The following EPHA2 variants were observed in gnomAD, a reference collection of about 807,000 sequenced individuals.
EPHA2 encodes the protein EPH receptor A2.
In EPHA2, 54 loss-of-function variants were observed where a neutral mutation model predicts 104.9. That is an observed-to-expected ratio of 0.51 (90% confidence interval 0.41 to 0.65). The LOEUF (loss-of-function observed/expected upper bound fraction) is 0.65, where lower values mean the gene tolerates loss of function less well. Among genes scored for constraint, EPHA2 ranks in the 30% least tolerant of loss-of-function variants. The pLI is 0.00. For missense variants in EPHA2, 1,117 were observed against 1,369.5 expected (o/e 0.82, Z 2.91); for synonymous variants, 560 against 559.1 (o/e 1.00, Z -0.02).
Position 16,132,518 on chromosome 1 carries a change from G to T in EPHA2, c.2054-79C>A, listed in dbSNP as rs1319496541. The stretch of plus-strand genomic sequence containing the variant: ...GGTGGGCACAGATATGGGGGAAGGT[G>T]GGCACAGGTGTAGGAGAGGTGGGCA... On this transcript the variant is annotated intron_variant, in intron 11 of 16. Transcript: ENST00000358432. The T allele has an allele frequency of 3.3e-6, 5 of 1,530,832 alleles. No individual in the cohort carries two copies. The East Asian group carries it at 9.0e-5, about 28-fold the overall frequency. 94.8% of individuals were successfully genotyped at this position (1,530,832 alleles called of 1,614,324 possible).
chr1:16,154,421 GA>G, intron 1 of EPHA2, among the ~76,000 whole-genome samples: 1 of 152,122 alleles, frequency 6.6e-6, no homozygotes, highest in African/African-American at 2.4e-5. Flanking sequence ...TCCCAACACA[GA>G]ACAGCAAAAC....
At chr1:16,142,087 C>T (rs1247846853) in intron 3 of EPHA2, among the ~76,000 whole-genome samples, 2 of 152,212 alleles carry the variant, frequency 1.3e-5, no homozygotes, top group Admixed American at 1.3e-4. Flanking sequence ...CACCCACATA[C>T]ACCAGATACC....
At chr1:16,127,744 G>A (rs566591017) in intron 16 of EPHA2, among the ~76,000 whole-genome samples, 38 of 152,298 alleles carry the variant, frequency 2.5e-4, no homozygotes, top group Non-Finnish European at 4.3e-4. Flanking sequence ...TGGGAGGAGC[G>A]GGTGGTGGGT....
intron 3 of EPHA2, among the ~76,000 whole-genome samples, chr1:16,140,592 C>T (rs754528183): frequency 4.6e-5 from 7 of 152,170 alleles, no homozygotes; most frequent in Non-Finnish European, 1.0e-4. Context: ...TTTTCAGCCT[C>T]TCTCCTCTCC....
At chr1:16,149,746 T>A (rs2124266549) in intron 2 of EPHA2, among the ~76,000 whole-genome samples, 1 of 152,312 alleles carries the variant, frequency 6.6e-6, no homozygotes, top group African/African-American at 2.4e-5. Flanking sequence ...TTTACCAAAG[T>A]GCACTTGGCA....
intron 16 of EPHA2, among the ~76,000 whole-genome samples, chr1:16,127,260 C>A (rs2024487799): frequency 6.6e-6 from 1 of 152,162 alleles, no homozygotes; most frequent in South Asian, 2.1e-4. Flanking sequence ...AGATCTACAG[C>A]CTGTGCCCTC....
chr1:16,151,638 G>A (rs2025039016), intron 1 of EPHA2, among the ~76,000 whole-genome samples: 1 of 152,150 alleles, frequency 6.6e-6, no homozygotes, highest in Non-Finnish European at 1.5e-5. Context: ...TAAAGCCCTG[G>A]ACCCATAGGG....
At chr1:16,126,005 A>T (rs2024458718) in intron 16 of EPHA2, among the ~76,000 whole-genome samples, 1 of 152,204 alleles carries the variant, frequency 6.6e-6, no homozygotes, top group Non-Finnish European at 1.5e-5. Flanking sequence ...AGATCCAGTG[A>T]CTAGGAAGAT....
Position 16,134,462 on chromosome 1 carries a change from A to T in EPHA2, c.1682+6T>A. On this transcript the variant is annotated splice_donor_region_variant and intron_variant, in intron 8 of 16. Transcript: ENST00000358432. The surrounding 1 kb of genome is among the most constrained non-coding windows in gnomAD (Gnocchi z 4.5). ...ATGTGGAGCCAGGGTATGGGCTCTG[A>T]CGAACCTGCGGTGGATAAAGAAGCC... 1.2e-6 allele frequency: 2 copies of T among 1,613,980 alleles called. No homozygotes were observed. Among genetic ancestry groups the T allele is most frequent in the Non-Finnish European group, 1.7e-6 (2 of 1,179,962 alleles).
Position 16,135,573 on chromosome 1 carries a change from G to C in EPHA2, c.1428+82C>G, listed in dbSNP as rs1050167283. 2.2e-6 allele frequency: 3 copies of C among 1,334,786 alleles called. No homozygotes were observed. Among genetic ancestry groups the C allele is most frequent in the Non-Finnish European group, 3.2e-6 (3 of 926,836 alleles). 82.7% of individuals were successfully genotyped at this position (1,334,786 alleles called of 1,614,324 possible). Reference sequence around the variant, plus strand: ...GAAGGGTGCTTCTTCAGATGGCTGGGTGGTTTGGTGATCATCTATGTGACC... The same window carrying C: ...GAAGGGTGCTTCTTCAGATGGCTGGCTGGTTTGGTGATCATCTATGTGACC... On this transcript the variant is annotated intron_variant, in intron 6 of 16. Coordinates refer to ENST00000358432, the MANE Select transcript of EPHA2 (RefSeq NM_004431.5). This position sits in a 1 kb window ranked among gnomAD's most constrained non-coding sequence, Gnocchi z 4.3.
At position 16,131,951 on chromosome 1, in the gene EPHA2, C is replaced by A. The variant is rs1251660255; in HGVS notation, c.2326-81G>T. The A allele has an allele frequency of 6.2e-7, 1 of 1,600,080 alleles. No homozygotes were observed. Among genetic ancestry groups the A allele is most frequent in the East Asian group, 2.3e-5 (1 of 44,230 alleles). On this transcript the variant is annotated intron_variant, in intron 13 of 16. Transcript: ENST00000358432. This position sits in a 1 kb window ranked among gnomAD's most constrained non-coding sequence, Gnocchi z 5.2. ...TTGCAGCCAAGCCCCACGACCCCTC[C>A]CTGGACTCCTACAGGTGTTCTGCCT...
rs553684596 is a variant in EPHA2, at chr1:16,125,790, C to T, written c.2826-470G>A. On this transcript the variant is annotated intron_variant, in intron 16 of 16. Coordinates refer to ENST00000358432, the MANE Select transcript of EPHA2 (RefSeq NM_004431.5). This position sits in a 1 kb window ranked among gnomAD's most constrained non-coding sequence, Gnocchi z 4.9. ...CCCTCCCCTCACCCCTAGTCTGTTC[C>T]CAGTGCCCCCAGCTCAGGCCTCCTT... Among the ~76,000 whole-genome samples the T allele has an allele frequency of 6.6e-5, 10 of 152,110 alleles. No individual in the cohort carries two copies. The highest frequency in any genetic ancestry group is 2.1e-4 in the South Asian group (1 of 4,814).
Position 16,136,435 on chromosome 1 carries a change from C to T in EPHA2, c.1313-665G>A, listed in dbSNP as rs2024685534. 4.0e-5 allele frequency among the ~76,000 whole-genome samples: 6 copies of T among 151,414 alleles called. No homozygotes were observed. The South Asian group carries it at 1.2e-3, about 32-fold the overall frequency. On this transcript the variant is annotated intron_variant, in intron 5 of 16. Transcript: ENST00000358432. The stretch of plus-strand genomic sequence containing the variant: ...GGGAGTTCGAGACCAGCCTGACCAA[C>T]ATGGAGAAACCCCGTCTCTACTAAA...
intron 1 of EPHA2, among the ~76,000 whole-genome samples, chr1:16,154,388 G>A (rs1432370498): frequency 2.6e-5 from 4 of 152,074 alleles, no homozygotes; most frequent in Admixed American, 6.6e-5. Flanking sequence ...CTGCCCAACG[G>A]CTCCAGATCC....
In EPHA2 at chr1:16,130,500, A is replaced by T; in HGVS notation, c.2476-81T>A. On this transcript the variant is annotated intron_variant, in intron 14 of 16. Coordinates refer to ENST00000358432, the MANE Select transcript of EPHA2 (RefSeq NM_004431.5). The surrounding 1 kb of genome is among the most constrained non-coding windows in gnomAD (Gnocchi z 4.5). ...CAGCCTCCAGCCTATGGAGGTGGGCAGGGGAGGGGAGGGGAACAGGAACAT... is the reference window on the plus strand; with the variant it reads ...CAGCCTCCAGCCTATGGAGGTGGGCTGGGGAGGGGAGGGGAACAGGAACAT... The T allele has an allele frequency of 7.5e-7, 1 of 1,326,528 alleles. No homozygotes were observed. Among genetic ancestry groups the T allele is most frequent in the Non-Finnish European group, 1.0e-6 (1 of 986,530 alleles). The allele number at this position is 1,326,528 out of a possible 1,614,324, so 82.2% of individuals were successfully genotyped here.
rs1278271001 is a variant in EPHA2 at position 16,138,198 on chromosome 1, G to A, written c.980-13C>T. On this transcript the variant is annotated splice_polypyrimidine_tract_variant and intron_variant, in intron 4 of 16. Coordinates refer to ENST00000358432, the MANE Select transcript of EPHA2 (RefSeq NM_004431.5). ...GCGGAGGGGGGTCCTGCACAGACAG[G>A]AGGAGTCAGTGCTGTGCTGGACCCA... 7.4e-6 allele frequency: 12 copies of A among 1,611,064 alleles called. No individual in the cohort carries two copies. Among genetic ancestry groups the A allele is most frequent in the Non-Finnish European group, 1.0e-5 (12 of 1,179,854 alleles).
chr1:16,154,756 CAAAAAAA>C (rs558609049), intron 1 of EPHA2, among the ~76,000 whole-genome samples: 3 of 66,872 alleles, frequency 4.5e-5, no homozygotes, highest in African/African-American at 1.7e-4. Context: ...AACTCCGTCT[CAAAAAAA>C]AAAAAAAAAA....
intron 1 of EPHA2, chr1:16,155,262 G>C (rs761556206): frequency 1.6e-4 from 24 of 152,336 alleles, no homozygotes; most frequent in Non-Finnish European, 2.9e-4. Flanking sequence ...GTGCGGCTTG[G>C]GAAGGAGGGA....
At chr1:16,143,028 G>GAT in intron 3 of EPHA2, among the ~76,000 whole-genome samples, 1 of 148,756 alleles carries the variant, frequency 6.7e-6, no homozygotes, top group Non-Finnish European at 1.5e-5. Flanking sequence ...TGGATAGGTG[G>GAT]GTGGTTGGGT....
Sources: allele counts gnomAD v4.1 joint callset (sites outside exome capture counted in the v4.1 genomes callset), GRCh38; gene constraint gnomAD v4.1.1; non-coding constraint Gnocchi (gnomAD v3.1); transcripts MANE v1.5; gene names NCBI Gene and HGNC (gene_info 2026-07-23, HGNC 2026-07-21).